The following SLC25A13 variants were observed in gnomAD, a reference collection of about 807,000 sequenced individuals.
The protein encoded by SLC25A13 is electrogenic aspartate/glutamate antiporter SLC25A13, mitochondrial.
A neutral mutation model predicts 85.5 loss-of-function variants in SLC25A13; 70 were observed. The ratio of observed to expected loss-of-function variants is 0.82; its 90% CI spans 0.68 to 1.00. The LOEUF (loss-of-function observed/expected upper bound fraction) is 1.00. SLC25A13 is among the 50% of genes least tolerant of loss of function. SLC25A13 has a pLI of 0.00. For missense variants in SLC25A13, 765 were observed against 819.8 expected (o/e 0.93, Z 0.82); for synonymous variants, 259 against 288.7 (o/e 0.90, Z 1.04).
intron 4 of SLC25A13, among the ~76,000 whole-genome samples, chr7:96,214,198 C>T (rs1795801227): frequency 6.6e-6 from 1 of 152,076 alleles, no homozygotes; most frequent in African/African-American, 2.4e-5. Context: ...AAAAAGTCAA[C>T]CTATTTCTCC....
At chr7:96,264,736 A>G (rs942363385) in intron 3 of SLC25A13, among the ~76,000 whole-genome samples, 19 of 151,854 alleles carry the variant, frequency 1.3e-4, no homozygotes, top group African/African-American at 4.4e-4. Flanking sequence ...AATTGTAGAG[A>G]CAGGGTCTCG....
chr7:96,138,335 G>A (rs1022239178), intron 14 of SLC25A13, among the ~76,000 whole-genome samples: 1 of 151,528 alleles, frequency 6.6e-6, no homozygotes, highest in African/African-American at 2.4e-5. Context: ...TTCCTCTGAT[G>A]TGTCTAGTCT....
chr7:96,122,874 T>G (rs2116388571), intron 15 of SLC25A13, among the ~76,000 whole-genome samples: 1 of 152,358 alleles, frequency 6.6e-6, no homozygotes, highest in East Asian at 1.9e-4. Context: ...TACTTTTCCA[T>G]TATGAACTTA....
In SLC25A13 at chr7:96,191,162, C is replaced by G. The variant is rs986941373; in HGVS notation, c.701G>C (p.Arg234Thr). ...NSLLNNMELIRKIYSTLAGTR... is the reference protein window; with the variant it reads ...NSLLNNMELITKIYSTLAGTR... ...GCCAGCCAGAGTGCTATAGATCTTT[C>G]TAATGAGTTCCATGTTGTTAAGGAG... The change falls in exon 7 of 18, where the codon AGA (arginine) becomes ACA (threonine). Residue 234 changes from arginine to threonine, a missense_variant. By Grantham distance (71) the Arg-to-Thr change is moderately conservative. Coordinates refer to ENST00000265631, the MANE Select transcript of SLC25A13 (RefSeq NM_014251.3). The G allele has an allele frequency of 1.6e-5, 26 of 1,613,894 alleles. No homozygotes were observed. The East Asian group carries it at 5.8e-4, about 36-fold the overall frequency.
chr7:96,136,386 A>G (rs914526936), intron 14 of SLC25A13, among the ~76,000 whole-genome samples: 1 of 152,186 alleles, frequency 6.6e-6, no homozygotes, highest in Non-Finnish European at 1.5e-5. Context: ...GCTTTAATCA[A>G]TTCTCAAGTT....
chr7:96,169,842 A>T, intron 13 of SLC25A13: 1 of 600,454 alleles, frequency 1.7e-6, no homozygotes, highest in Non-Finnish European at 3.0e-6. Flanking sequence ...GCATGACTTA[A>T]CAGGCAGTAA....
intron 3 of SLC25A13, among the ~76,000 whole-genome samples, chr7:96,260,143 T>G (rs1365800255): frequency 6.6e-6 from 1 of 152,042 alleles, no homozygotes; most frequent in Non-Finnish European, 1.5e-5. Flanking sequence ...CCATGGCACA[T>G]GTATACCTAT....
At chr7:96,299,253 T>G (rs148353172) in intron 1 of SLC25A13, among the ~76,000 whole-genome samples, 1 of 152,122 alleles carries the variant, frequency 6.6e-6, no homozygotes, top group Non-Finnish European at 1.5e-5. Flanking sequence ...GTGCTCCCCA[T>G]CAGAACTACA....
chr7:96,131,882 C>G lies in SLC25A13; in HGVS notation c.1453-1G>C. The stretch of plus-strand genomic sequence containing the variant: ...CCCGCAGAAAGCATGCTTTGGCACC[C>G]TGCACATTTGCAAAGGAAGAAAAAC... On this transcript the variant is annotated splice_acceptor_variant, in intron 14 of 17. Coordinates refer to ENST00000265631, the MANE Select transcript of SLC25A13 (RefSeq NM_014251.3). LOFTEE classifies it high-confidence loss of function. 6.2e-7 allele frequency: 1 copy of G among 1,613,950 alleles called. No individual in the cohort carries two copies. Among genetic ancestry groups the G allele is most frequent in the Non-Finnish European group, 8.5e-7 (1 of 1,179,932 alleles).
At chr7:96,127,371 T>A (rs1791772707) in intron 15 of SLC25A13, among the ~76,000 whole-genome samples, 1 of 152,194 alleles carries the variant, frequency 6.6e-6, no homozygotes, top group South Asian at 2.1e-4. Flanking sequence ...TCTTGTTCTA[T>A]CTTGTGAAAT....
At chr7:96,294,901 C>T (rs764324232) in intron 2 of SLC25A13, among the ~76,000 whole-genome samples, 1 of 152,136 alleles carries the variant, frequency 6.6e-6, no homozygotes, top group Non-Finnish European at 1.5e-5. Flanking sequence ...ACTATCCCTG[C>T]TTTTAATTCA....
intron 3 of SLC25A13, among the ~76,000 whole-genome samples, chr7:96,257,055 C>T (rs537141098): frequency 6.4e-4 from 97 of 152,296 alleles, no homozygotes; most frequent in African/African-American, 2.3e-3. Context: ...CTCTGGGGCA[C>T]AGCTAAAGCA....
At chr7:96,227,940 C>G (rs946883923) in intron 4 of SLC25A13, among the ~76,000 whole-genome samples, 1 of 152,156 alleles carries the variant, frequency 6.6e-6, no homozygotes, top group Non-Finnish European at 1.5e-5. Flanking sequence ...TGTCGGCTCA[C>G]TGTAACCTTT....
chr7:96,217,192 T>G (rs1224166942), intron 4 of SLC25A13, among the ~76,000 whole-genome samples: 1 of 152,194 alleles, frequency 6.6e-6, no homozygotes, highest in African/African-American at 2.4e-5. Flanking sequence ...CACTTCACCC[T>G]GCTACAATGG....
At position 96,241,079 on chromosome 7, in the gene SLC25A13, AAAGAAAG is replaced by A. The variant is rs1796973899; in HGVS notation, c.213-6169_213-6163del. 2.7e-5 allele frequency among the ~76,000 whole-genome samples: 4 copies of A among 150,102 alleles called. No homozygotes were observed. The South Asian group carries it at 8.8e-4, about 33-fold the overall frequency. On this transcript the variant is annotated intron_variant, in intron 3 of 17. Transcript: ENST00000265631. Reference sequence around the variant, plus strand: ...GAAAGAAAGAAAGAAAGAAAGAAAGAAAGAAAGAAAGAAAGAAAGAAAGAAAGGCACT... The same window carrying A: ...GAAAGAAAGAAAGAAAGAAAGAAAGAAAAGAAAGAAAGAAAGAAAGGCACT...
intron 3 of SLC25A13, among the ~76,000 whole-genome samples, chr7:96,274,938 A>G (rs1798388362): frequency 6.6e-6 from 1 of 152,212 alleles, no homozygotes; most frequent in Non-Finnish European, 1.5e-5. Flanking sequence ...GAAGTCAGGT[A>G]GCATGATGCC....
chr7:96,153,201 T>C (rs1221644794), intron 13 of SLC25A13, among the ~76,000 whole-genome samples: 2 of 152,218 alleles, frequency 1.3e-5, no homozygotes, highest in Non-Finnish European at 2.9e-5. Context: ...TGACAAATCA[T>C]AGTTGTCCTT....
intron 2 of SLC25A13, among the ~76,000 whole-genome samples, chr7:96,294,590 C>T (rs1799274448): frequency 7.1e-6 from 1 of 140,744 alleles, no homozygotes; most frequent in African/African-American, 2.6e-5. Context: ...GCCTGGGAGA[C>T]ACAGTGAGAC....
chr7:96,128,939 G>GCTTGCTCGCTCGCTCTCT (rs1554336579), intron 15 of SLC25A13, among the ~76,000 whole-genome samples: 22 of 81,902 alleles, frequency 2.7e-4, no homozygotes, highest in African/African-American at 9.0e-4. Context: ...TGCCTTGCTT[G>GCTTGCTCGCTCGCTCTCT]CTCTCTCTCT....
Sources: allele counts gnomAD v4.1 joint callset (sites outside exome capture counted in the v4.1 genomes callset), GRCh38; gene constraint gnomAD v4.1.1; transcripts MANE v1.5; gene names NCBI Gene and HGNC (gene_info 2026-07-23, HGNC 2026-07-21).